SCAPER: variants seen among roughly 807,000 people sequenced by gnomAD.
SCAPER encodes the protein S-phase cyclin A associated protein in the ER.
A neutral mutation model predicts 182.2 loss-of-function variants in SCAPER; 98 were observed. That is an observed-to-expected ratio of 0.54 (90% CI 0.46 to 0.64). SCAPER has a LOEUF of 0.64. Ranked by LOEUF, SCAPER falls within the 30% of genes least tolerant of loss-of-function variation. The pLI is 0.00. For missense variants in SCAPER, 1,432 were observed against 1,690.0 expected (o/e 0.85, Z 2.68); for synonymous variants, 605 against 564.6 (o/e 1.07, Z -1.01).
intron 15 of SCAPER, among the ~76,000 whole-genome samples, chr15:76,733,943 C>T (rs188389759): frequency 1.3e-5 from 2 of 152,214 alleles, no homozygotes; most frequent in Non-Finnish European, 2.9e-5. Context: ...GATTTAGAGG[C>T]CTGCCACTGA....
intron 21 of SCAPER, among the ~76,000 whole-genome samples, chr15:76,622,093 T>C (rs952614377): frequency 1.3e-5 from 2 of 152,132 alleles, no homozygotes; most frequent in Non-Finnish European, 2.9e-5. Context: ...AAAGATGTGT[T>C]TTGTTTTTGT....
intron 24 of SCAPER, among the ~76,000 whole-genome samples, chr15:76,489,030 CT>C (rs1415187716): frequency 6.6e-6 from 1 of 150,466 alleles, no homozygotes; most frequent in East Asian, 2.0e-4. Flanking sequence ...GCCATCTTGC[CT>C]TTTATAAGAA....
At chr15:76,542,890 C>T (rs1335553227) in intron 23 of SCAPER, among the ~76,000 whole-genome samples, 2 of 152,072 alleles carry the variant, frequency 1.3e-5, no homozygotes, top group African/African-American at 4.8e-5. Flanking sequence ...TTAATATTTT[C>T]CTCGTAAAAT....
At chr15:76,413,758 C>A (rs1324966078) in intron 26 of SCAPER, among the ~76,000 whole-genome samples, 2 of 152,174 alleles carry the variant, frequency 1.3e-5, no homozygotes, top group Non-Finnish European at 2.9e-5. Context: ...AAACTCACTG[C>A]ACATGCAACA....
At chr15:76,838,447 C>A (rs1452667530) in intron 5 of SCAPER, among the ~76,000 whole-genome samples, 2 of 152,188 alleles carry the variant, frequency 1.3e-5, no homozygotes, top group South Asian at 4.1e-4. Flanking sequence ...CCAAAGGAAG[C>A]TCCTATGACT....
intron 27 of SCAPER, among the ~76,000 whole-genome samples, chr15:76,383,105 T>TACACACAC (rs77313356): frequency 2.7e-5 from 4 of 149,948 alleles, no homozygotes; most frequent in African/African-American, 9.8e-5. Context: ...TGTGTGTAAA[T>TACACACAC]ACACACACAC....
chr15:76,371,870 A>G (rs537028506), intron 29 of SCAPER, among the ~76,000 whole-genome samples: 2 of 152,070 alleles, frequency 1.3e-5, no homozygotes, highest in South Asian at 4.1e-4. Flanking sequence ...GTGAGCCAAC[A>G]TGGTGCCACT....
Position 76,795,326 on chromosome 15 carries a change from G to A in SCAPER, c.726C>T (p.Ala242=), listed in dbSNP as rs534363120. Residue 242 remains alanine (A), a synonymous_variant, in exon 8 of 32, where the codon GCC becomes GCT. Coordinates refer to ENST00000563290, the MANE Select transcript of SCAPER (RefSeq NM_020843.4). The part of the protein sequence containing the change: ...GSTASSEITP[A]QSCPPMTVQK... ...GCACTGTCATTGGTGGGCAAGACTGGGCGGGTGTTATTTCTGAAGAAGCAG... is the reference window on the plus strand; with the variant it reads ...GCACTGTCATTGGTGGGCAAGACTGAGCGGGTGTTATTTCTGAAGAAGCAG... The A allele has an allele frequency of 5.1e-5, 82 of 1,613,326 alleles. No individual in the cohort carries two copies. The highest frequency in any genetic ancestry group is 6.4e-5 in the Non-Finnish European group (76 of 1,179,482).
At chr15:76,679,266 A>T (rs2146968758) in intron 20 of SCAPER, among the ~76,000 whole-genome samples, 1 of 152,276 alleles carries the variant, frequency 6.6e-6, no homozygotes, top group South Asian at 2.1e-4. Flanking sequence ...TTTCCCTAGC[A>T]CCTGGCCTAA....
intron 20 of SCAPER, among the ~76,000 whole-genome samples, chr15:76,695,625 C>A (rs1049731547): frequency 4.0e-5 from 6 of 151,120 alleles, no homozygotes; most frequent in Admixed American, 2.0e-4. Flanking sequence ...AGAAAAAAAA[C>A]TGTTTAATTA....
At chr15:76,446,269 A>G (rs1438057294) in intron 25 of SCAPER, among the ~76,000 whole-genome samples, 1 of 152,160 alleles carries the variant, frequency 6.6e-6, no homozygotes, top group Non-Finnish European at 1.5e-5. Context: ...AAAATTAATC[A>G]AGGTGACACG....
intron 8 of SCAPER, among the ~76,000 whole-genome samples, chr15:76,780,074 G>A (rs536053294): frequency 1.2e-4 from 19 of 152,354 alleles, no homozygotes; most frequent in African/African-American, 4.6e-4. Flanking sequence ...AGGGCTGGGT[G>A]CCGCCTCACC....
chr15:76,773,224 T>G (rs2063564026), intron 9 of SCAPER, among the ~76,000 whole-genome samples: 3 of 151,954 alleles, frequency 2.0e-5, no homozygotes, highest in Admixed American at 2.0e-4. Context: ...GACATTAATA[T>G]GCTAATTCCA....
chr15:76,842,496 C>T (rs142401629), intron 4 of SCAPER, among the ~76,000 whole-genome samples: 235 of 152,294 alleles, frequency 1.5e-3, no homozygotes, highest in African/African-American at 5.4e-3. Flanking sequence ...GGTTCCTCTT[C>T]GCCTTCTGCC....
intron 22 of SCAPER, among the ~76,000 whole-genome samples, chr15:76,607,518 T>C (rs2050545564): frequency 6.6e-6 from 1 of 152,198 alleles, no homozygotes; most frequent in African/African-American, 2.4e-5. Context: ...TCTTGAGGAT[T>C]ATCTTTGTGG....
intron 26 of SCAPER, among the ~76,000 whole-genome samples, chr15:76,413,271 T>C (rs1017450553): frequency 3.9e-5 from 6 of 152,186 alleles, no homozygotes; most frequent in African/African-American, 1.4e-4. Flanking sequence ...CAATGCTGAA[T>C]AGAAGTGATG....
At chr15:76,587,427 G>A (rs2048749486) in intron 22 of SCAPER, among the ~76,000 whole-genome samples, 1 of 152,132 alleles carries the variant, frequency 6.6e-6, no homozygotes, top group African/African-American at 2.4e-5. Flanking sequence ...AGGCATTTAA[G>A]ACTATGAACA....
chr15:76,385,246 TA>T (rs1473210605), intron 27 of SCAPER: 1 of 152,234 alleles, frequency 6.6e-6, no homozygotes, highest in Non-Finnish European at 1.5e-5. Flanking sequence ...TCCATCTTCA[TA>T]AACCACTTAT....
chr15:76,367,882 A>G (rs2041911474), intron 29 of SCAPER, among the ~76,000 whole-genome samples: 1 of 152,136 alleles, frequency 6.6e-6, no homozygotes, highest in African/African-American at 2.4e-5. Context: ...GGTATAAATC[A>G]TTTTTAATTA....
Sources: allele counts gnomAD v4.1 joint callset (sites outside exome capture counted in the v4.1 genomes callset), GRCh38; gene constraint gnomAD v4.1.1; transcripts MANE v1.5; gene names NCBI Gene and HGNC (gene_info 2026-07-23, HGNC 2026-07-21).